TMEM38B: variants seen among roughly 807,000 people sequenced by gnomAD.
TMEM38B encodes transmembrane protein 38B.
A neutral mutation model predicts 28.7 loss-of-function variants in TMEM38B; 24 were observed. The ratio of observed to expected loss-of-function variants is 0.84; its 90% confidence interval spans 0.61 to 1.18. The LOEUF is 1.18. TMEM38B is among the 50% of genes most tolerant of loss of function. The probability of loss-of-function intolerance (pLI) is 0.00; values close to 1 mark genes in which losing one functional copy is unlikely to be tolerated. For missense variants in TMEM38B, 380 were observed against 350.9 expected, an observed-to-expected ratio of 1.08 and a Z score of -0.66; for synonymous variants, 131 against 127.7, an observed-to-expected ratio of 1.03 and a Z score of -0.17.
intron 5 of TMEM38B, among the ~76,000 whole-genome samples, chr9:105,762,904 T>G (rs1268472499): frequency 2.8e-5 from 4 of 143,708 alleles, no homozygotes; most frequent in African/African-American, 1.1e-4. Flanking sequence ...TTTCTCCACA[T>G]CCTCTCCAGC....
At chr9:105,708,570 A>G (rs1835766798) in intron 2 of TMEM38B, among the ~76,000 whole-genome samples, 3 of 152,094 alleles carry the variant, frequency 2.0e-5, no homozygotes, top group Non-Finnish European at 4.4e-5. Context: ...ACTCGCTTTC[A>G]CTTTCTTTTA....
chr9:105,757,769 A>G (rs1056480944), intron 5 of TMEM38B, among the ~76,000 whole-genome samples: 15 of 152,208 alleles, frequency 9.9e-5, no homozygotes, highest in Admixed American at 7.9e-4. Flanking sequence ...AGTAAAAGCA[A>G]TTTCAGTGGA....
rs556538018 is a variant in TMEM38B at position 105,758,338 on chromosome 9, C to T, written c.660+10148C>T. The T allele has an allele frequency of 3.1e-5, 27 of 872,808 alleles. No individual in the cohort carries two copies. In the South Asian group the frequency reaches 3.4e-4, roughly 11 times the overall value. The allele number at this position is 872,808 out of a possible 1,614,324, so 54.1% of individuals were successfully genotyped here. A position where few individuals can be genotyped will look rare whatever the true frequency, so the allele number is the denominator to read the frequency against. On this transcript the variant is annotated intron_variant, in intron 5 of 5. Coordinates refer to ENST00000374692, the MANE Select transcript of TMEM38B (RefSeq NM_018112.3). ...TGGCAGAGCTAGAATTCAGATCTTC[C>T]TGGTATGGCGATCTTACATGGATTC...
At chr9:105,756,819 A>G (rs1003434212) in intron 5 of TMEM38B, among the ~76,000 whole-genome samples, 1 of 152,204 alleles carries the variant, frequency 6.6e-6, no homozygotes, top group Non-Finnish European at 1.5e-5. Flanking sequence ...TAAATAGAAT[A>G]TTCATTTTTA....
intron 5 of TMEM38B, among the ~76,000 whole-genome samples, chr9:105,756,905 T>A (rs943879092): frequency 6.6e-6 from 1 of 152,206 alleles, no homozygotes; most frequent in African/African-American, 2.4e-5. Context: ...ATGATTTTTT[T>A]ATCTTTTAAA....
At chr9:105,700,315 A>G (rs1337132723) in intron 1 of TMEM38B, among the ~76,000 whole-genome samples, 1 of 152,172 alleles carries the variant, frequency 6.6e-6, no homozygotes, top group Non-Finnish European at 1.5e-5. Flanking sequence ...CCTTTTCTAC[A>G]CAATAATAGT....
intron 5 of TMEM38B, among the ~76,000 whole-genome samples, chr9:105,754,195 A>G (rs574692772): frequency 1.3e-5 from 2 of 152,290 alleles, no homozygotes; most frequent in East Asian, 3.9e-4. Flanking sequence ...ATAGTGGGAG[A>G]CTTTAACACC....
chr9:105,727,497 AT>A (rs755372909), intron 4 of TMEM38B, among the ~76,000 whole-genome samples: 2 of 152,084 alleles, frequency 1.3e-5, no homozygotes, highest in Non-Finnish European at 2.9e-5. Flanking sequence ...ATATTTTTGG[AT>A]TTTGGAATAT....
At chr9:105,772,933 C>T (rs1826603460) in intron 5 of TMEM38B, among the ~76,000 whole-genome samples, 1 of 151,870 alleles carries the variant, frequency 6.6e-6, no homozygotes, top group Admixed American at 6.6e-5. Flanking sequence ...ACTTTTCTTC[C>T]ACCTCCCCAC....
chr9:105,736,315 C>T (rs936519779), intron 4 of TMEM38B, among the ~76,000 whole-genome samples: 1 of 151,900 alleles, frequency 6.6e-6, no homozygotes, highest in African/African-American at 2.4e-5. Flanking sequence ...TTCCTTTTTC[C>T]TCCTGACTGG....
In TMEM38B at chr9:105,751,396, C is replaced by T. The variant is rs540477773; in HGVS notation, c.660+3206C>T. Among the ~76,000 whole-genome samples, 17 of 152,334 alleles carry T rather than the reference C, an allele frequency of 1.1e-4. No homozygotes were observed. In the South Asian group the frequency reaches 1.5e-3, roughly 13 times the overall value. ...CGACCCGTAGATCAGGAAATCCCAT[C>T]GTGAGCCCATGCCACCAGGGTCTTG... is the stretch of plus-strand genomic sequence containing the variant. On this transcript the variant is annotated intron_variant, in intron 5 of 5. Coordinates refer to ENST00000374692, the MANE Select transcript of TMEM38B (RefSeq NM_018112.3).
intron 4 of TMEM38B, among the ~76,000 whole-genome samples, chr9:105,733,421 CTTTTT>C (rs71306454): frequency 7.8e-6 from 1 of 127,874 alleles, no homozygotes; most frequent in African/African-American, 2.9e-5. Context: ...TTTCTTTTTT[CTTTTT>C]TTTTTTTTTT....
At chr9:105,753,036 A>AG (rs199950364) in intron 5 of TMEM38B, among the ~76,000 whole-genome samples, 2,681 of 152,360 alleles carry the variant, frequency 0.018, 31 homozygotes, top group Non-Finnish European at 0.026. Flanking sequence ...ACGAGTATCA[A>AG]CAGCAGAATA....
At chr9:105,717,315 A>T (rs956736823) in intron 2 of TMEM38B, among the ~76,000 whole-genome samples, 1 of 152,224 alleles carries the variant, frequency 6.6e-6, no homozygotes, top group African/African-American at 2.4e-5. Context: ...ATATTAATAT[A>T]ATGGCATTAT....
rs555202762 is a variant in TMEM38B at position 105,763,498 on chromosome 9, C to T, written c.661-10367C>T. Among the ~76,000 whole-genome samples, 18 of 152,228 alleles carry T rather than the reference C, an allele frequency of 1.2e-4. No individual in the cohort carries two copies. The East Asian group carries it at 2.9e-3, about 24-fold the overall frequency. ...AAAATCTAGAAGAAATGGATAAATTCCTCGACACATACACTCTCCCAAGAC... is the reference window on the plus strand; with the variant it reads ...AAAATCTAGAAGAAATGGATAAATTTCTCGACACATACACTCTCCCAAGAC... On this transcript the variant is annotated intron_variant, in intron 5 of 5. Transcript: ENST00000374692.
chr9:105,763,600 AC>A (rs1326970938), intron 5 of TMEM38B, among the ~76,000 whole-genome samples: 1 of 152,220 alleles, frequency 6.6e-6, no homozygotes, highest in Non-Finnish European at 1.5e-5. Flanking sequence ...TAGCTTACCA[AC>A]CAAAAAGAGT....
intron 2 of TMEM38B, among the ~76,000 whole-genome samples, chr9:105,719,322 GAT>G (rs1239001404): frequency 6.6e-6 from 1 of 152,078 alleles, no homozygotes; most frequent in Non-Finnish European, 1.5e-5. Flanking sequence ...CTCATTTTGT[GAT>G]ATGTTTTCTT....
intron 2 of TMEM38B, among the ~76,000 whole-genome samples, chr9:105,720,130 C>T (rs898911200): frequency 2.6e-5 from 4 of 151,994 alleles, no homozygotes; most frequent in African/African-American, 9.7e-5. Context: ...TTACTACTCT[C>T]AGATAGTTTA....
rs556267935 is a variant in TMEM38B at position 105,737,591 on chromosome 9, G to A, written c.543-10482G>A. Among the ~76,000 whole-genome samples the A allele has an allele frequency of 5.3e-5, 8 of 152,286 alleles. 1 individual carries two copies. In the South Asian group the frequency reaches 1.0e-3, roughly 20 times the overall value. The stretch of plus-strand genomic sequence containing the variant: ...AGTGGGATGCCTCAGCAGCGTAGAC[G>A]CTGGGGACTAGTCCAGTTCTGTGGA... On this transcript the variant is annotated intron_variant, in intron 4 of 5. Coordinates refer to ENST00000374692, the MANE Select transcript of TMEM38B (RefSeq NM_018112.3).
Sources: allele counts gnomAD v4.1 joint callset (sites outside exome capture counted in the v4.1 genomes callset), GRCh38; gene constraint gnomAD v4.1.1; transcripts MANE v1.5; gene names NCBI Gene and HGNC (gene_info 2026-07-23, HGNC 2026-07-21).